The following CRB1 variants were observed in gnomAD, a reference collection of about 807,000 sequenced individuals.
CRB1 encodes the protein crumbs cell polarity complex component 1, also known as protein crumbs homolog 1.
Under a neutral mutation model 120.0 loss-of-function variants are expected in CRB1, and 83 were observed. The observed-to-expected ratio is 0.69, with a 90% CI of 0.58 to 0.83. CRB1 has a LOEUF of 0.83. Ranked by LOEUF, CRB1 falls within the 40% of genes least tolerant of loss-of-function variation. The probability of loss-of-function intolerance (pLI) is 0.00; values close to 1 mark genes in which losing one functional copy is unlikely to be tolerated. For synonymous variants in CRB1, 625 were observed against 612.5 expected, an observed-to-expected ratio of 1.02 and a Z score of -0.30; for missense variants, 1,699 against 1,687.6, an observed-to-expected ratio of 1.01 and a Z score of -0.12.
At chr1:197,374,369 T>A (rs563520525) in intron 5 of CRB1, among the ~76,000 whole-genome samples, 1 of 152,204 alleles carries the variant, frequency 6.6e-6, no homozygotes, top group East Asian at 1.9e-4. Context: ...GGTGACCAAG[T>A]GCCAGAGCTG....
the CRB1 span, among the ~76,000 whole-genome samples, chr1:197,231,504 C>T: frequency 1.3e-5 from 2 of 152,046 alleles, no homozygotes; most frequent in Non-Finnish European, 2.9e-5. Context: ...AACACTCTCC[C>T]ATGATACAGG....
In CRB1 at chr1:197,344,462, G is replaced by A. The variant is rs780152729; in HGVS notation, c.834G>A (p.Val278=). The change falls in exon 3 of 12, where the codon GTG becomes GTA. Residue 278 remains valine, a synonymous_variant. Coordinates refer to ENST00000367400, the MANE Select transcript of CRB1 (RefSeq NM_201253.3). ...CTTGTCTCCATGGAGGGCTGTGTGT[G>A]GATGGAGAAAACAGGTACATTTTCT... ...SQPCLHGGLC[V]DGENRYSCNC... The A allele has an allele frequency of 1.2e-6, 2 of 1,614,040 alleles. No homozygotes were observed. Among genetic ancestry groups the A allele is most frequent in the South Asian group, 2.2e-5 (2 of 91,076 alleles).
intron 2 of CRB1, among the ~76,000 whole-genome samples, chr1:197,338,739 A>G (rs928308094): frequency 1.3e-5 from 2 of 152,214 alleles, no homozygotes; most frequent in African/African-American, 2.4e-5. Context: ...AATAGTCACA[A>G]TAACAAAATA....
intron 1 of CRB1, among the ~76,000 whole-genome samples, chr1:197,312,639 A>C (rs542899700): frequency 1.3e-5 from 2 of 152,290 alleles, no homozygotes; most frequent in East Asian, 3.9e-4. Context: ...AGATAGAAAA[A>C]ATATAATATG....
At chr1:197,359,365 A>G (rs1660657308) in intron 5 of CRB1, among the ~76,000 whole-genome samples, 1 of 149,834 alleles carries the variant, frequency 6.7e-6, no homozygotes, top group Non-Finnish European at 1.5e-5. Flanking sequence ...TTTTTTTTCC[A>G]CTCAGCATCA....
intron 5 of CRB1, among the ~76,000 whole-genome samples, chr1:197,377,311 A>T (rs1011145236): frequency 2.0e-5 from 3 of 152,154 alleles, no homozygotes; most frequent in African/African-American, 7.2e-5. Context: ...TAGCTCCAGG[A>T]CCTAGCACAG....
intron 2 of CRB1, among the ~76,000 whole-genome samples, chr1:197,331,346 A>G (rs1167238243): frequency 2.6e-5 from 4 of 152,202 alleles, no homozygotes; most frequent in Non-Finnish European, 5.9e-5. Context: ...GTATTATTTT[A>G]TGTATACTCT....
rs1239796931 is a variant in CRB1 at position 197,328,956 on chromosome 1, T to G, written c.605T>G (p.Leu202Arg). 6.2e-7 allele frequency: 1 copy of G among 1,614,134 alleles called. No homozygotes were observed. The highest frequency in any genetic ancestry group is 1.1e-5 in the South Asian group (1 of 91,078). ...SDPCKNEATC[L>R]NEIGRYTCIC... ...CCCTGCAAGAACGAGGCTACATGCC[T>G]CAATGAAATAGGAAGATATACTTGT... Residue 202 changes from leucine (L) to arginine (R), a missense_variant, in exon 2 of 12, where the codon CTC (leucine) becomes CGC (arginine). Transcript: ENST00000367400.
rs1437396599 is a variant in CRB1 at position 197,364,578 on chromosome 1, T to A, written c.1171+7565T>A. ...TCTGAGGCTCTGTTTTTATTTTTGT[T>A]TCAGTCTATTTTCTGCCTTTTGCTC... is the stretch of plus-strand genomic sequence containing the variant. On this transcript the variant is annotated intron_variant, in intron 5 of 11. Transcript: ENST00000367400. 2.0e-5 allele frequency among the ~76,000 whole-genome samples: 3 copies of A among 152,122 alleles called. No homozygotes were observed. The East Asian group carries it at 5.8e-4, about 29-fold the overall frequency.
At chr1:197,305,644 A>T (rs776534829) in intron 1 of CRB1, among the ~76,000 whole-genome samples, 6 of 151,892 alleles carry the variant, frequency 4.0e-5, no homozygotes, top group Non-Finnish European at 8.8e-5. Flanking sequence ...TAACCATTAC[A>T]ACACCTGAAT....
intron 5 of CRB1, among the ~76,000 whole-genome samples, chr1:197,382,455 T>G (rs1042444544): frequency 6.6e-6 from 1 of 152,208 alleles, no homozygotes; most frequent in South Asian, 2.1e-4. Flanking sequence ...AATATACAGC[T>G]ATTTTAATTT....
chr1:197,457,405 T>A (rs1666331431), intron 11 of CRB1, among the ~76,000 whole-genome samples: 1 of 152,128 alleles, frequency 6.6e-6, no homozygotes, highest in South Asian at 2.1e-4. Flanking sequence ...TCCAAGGCTC[T>A]CCAATTCAGA....
At chr1:197,422,408 C>T in intron 6 of CRB1, among the ~76,000 whole-genome samples, 1 of 151,910 alleles carries the variant, frequency 6.6e-6, no homozygotes, top group South Asian at 2.1e-4. Context: ...CATTTCCTTG[C>T]TCTCCTTTCC....
intron 5 of CRB1, among the ~76,000 whole-genome samples, chr1:197,405,884 C>A (rs534858403): frequency 6.6e-6 from 1 of 152,174 alleles, no homozygotes; most frequent in Admixed American, 6.5e-5. Flanking sequence ...CGCCCCGCAG[C>A]CACCCCGTCT....
At chr1:197,251,936 GAA>G in the CRB1 span, among the ~76,000 whole-genome samples, 2 of 151,980 alleles carry the variant, frequency 1.3e-5, no homozygotes, top group African/African-American at 2.4e-5. Flanking sequence ...TTAGTTACCA[GAA>G]ATTGAACTAG....
intron 1 of CRB1, among the ~76,000 whole-genome samples, chr1:197,284,170 CTT>C (rs1655692076): frequency 6.6e-6 from 1 of 151,880 alleles, no homozygotes; most frequent in African/African-American, 2.4e-5. Flanking sequence ...TATAGTCAGA[CTT>C]GAGATTCACA....
At chr1:197,285,291 G>A (rs538295411) in intron 1 of CRB1, among the ~76,000 whole-genome samples, 1 of 151,884 alleles carries the variant, frequency 6.6e-6, no homozygotes, top group East Asian at 2.0e-4. Context: ...ATGAATTTGG[G>A]GGTCAGAGAG....
At chr1:197,300,552 C>A (rs1244753361) in intron 1 of CRB1, among the ~76,000 whole-genome samples, 1 of 150,464 alleles carries the variant, frequency 6.6e-6, no homozygotes, top group Non-Finnish European at 1.5e-5. Flanking sequence ...AAGTTGGAAG[C>A]TAGCAGAGGT....
chr1:197,359,018 T>C (rs1474781286), intron 5 of CRB1, among the ~76,000 whole-genome samples: 1 of 152,232 alleles, frequency 6.6e-6, no homozygotes, highest in African/African-American at 2.4e-5. Flanking sequence ...TACACGTTTT[T>C]CTATATTTTG....
Sources: gnomAD v4.1 joint callset for allele counts (sites outside exome capture counted in the v4.1 genomes callset) on GRCh38, gnomAD v4.1.1 for gene constraint, MANE v1.5 for transcripts, NCBI Gene and HGNC (gene_info 2026-07-23, HGNC 2026-07-21) for gene names.